Variants in CLUL1 observed in about 807,000 individuals in gnomAD.
The protein encoded by CLUL1 is clusterin like 1, also known as clusterin-like protein 1.
CLUL1 carries 43 observed loss-of-function variants against 49.4 expected under a neutral mutation model. The ratio of observed to expected loss-of-function variants is 0.87; its 90% confidence interval spans 0.68 to 1.12. CLUL1 has a LOEUF of 1.12. CLUL1 is among the 50% of genes most tolerant of loss of function. The pLI is 0.00. For missense variants in CLUL1, 486 were observed against 544.4 expected, an observed-to-expected ratio of 0.89 and a Z score of 1.07; for synonymous variants, 192 against 184.9, an observed-to-expected ratio of 1.04 and a Z score of -0.31.
intron 2 of CLUL1, among the ~76,000 whole-genome samples, chr18:610,682 G>A (rs1331093196): frequency 6.6e-6 from 1 of 152,100 alleles, no homozygotes; most frequent in Non-Finnish European, 1.5e-5. Flanking sequence ...CAGGTGTCAT[G>A]TGTCTGACAC....
At chr18:626,881 A>G (rs1223844159) in intron 5 of CLUL1, among the ~76,000 whole-genome samples, 2 of 228 alleles carry the variant, frequency 8.8e-3, no homozygotes, top group Middle Eastern at 0.5. Context: ...GAAAGAAAGA[A>G]AGAAAGAAAG....
intron 2 of CLUL1, among the ~76,000 whole-genome samples, chr18:615,360 GA>G (rs1184584760): frequency 6.6e-6 from 1 of 152,168 alleles, no homozygotes; most frequent in African/African-American, 2.4e-5. Context: ...ATGGATTAAA[GA>G]AAAAAATCTG....
At chr18:601,233 T>C (rs1276635304) in intron 1 of CLUL1, among the ~76,000 whole-genome samples, 1 of 152,212 alleles carries the variant, frequency 6.6e-6, no homozygotes, top group East Asian at 1.9e-4. Context: ...CACATGGATA[T>C]TTCTGTTTCC....
At chr18:648,820 C>T (rs1482690265) in intron 9 of CLUL1, among the ~76,000 whole-genome samples, 2 of 151,990 alleles carry the variant, frequency 1.3e-5, no homozygotes. Flanking sequence ...CCACACTTGG[C>T]TAATTTTTGT....
At chr18:626,907 GA>G (rs371928656) in intron 5 of CLUL1, among the ~76,000 whole-genome samples, 189 bp from the exon 6 acceptor site, 2 of 25,202 alleles carry the variant, frequency 7.9e-5, no homozygotes, top group Non-Finnish European at 1.4e-4. Flanking sequence ...AAGAAAGAAA[GA>G]AAGAAAGAAA....
chr18:599,541 T>G (rs1196737421), intron 1 of CLUL1, among the ~76,000 whole-genome samples: 1 of 152,184 alleles, frequency 6.6e-6, no homozygotes, highest in Non-Finnish European at 1.5e-5. Context: ...AAATAATTGA[T>G]TTTCAAATGA....
In CLUL1 at chr18:606,177, TC is replaced by T. The variant is rs144123607; in HGVS notation, c.-135-797del. ...TTAGCGCCTCTGGCTGGGAACGGCT[TC>T]CCCATGCTCCTAGGTCAGGGTCCTC... is the stretch of plus-strand genomic sequence containing the variant. On this transcript the variant is annotated intron_variant, in intron 1 of 9. Coordinates refer to ENST00000692774, the MANE Select transcript of CLUL1 (RefSeq NM_001393344.1). The surrounding 1 kb of genome is among the most constrained non-coding windows in gnomAD (Gnocchi z 4.1). Among the ~76,000 whole-genome samples the T allele has an allele frequency of 1.1e-3, 167 of 152,162 alleles. 1 individual carries two copies. Among genetic ancestry groups the T allele is most frequent in the Admixed American group, 4.8e-3 (73 of 15,278 alleles).
intron 1 of CLUL1, among the ~76,000 whole-genome samples, chr18:600,602 A>C (rs1431602518): frequency 2.0e-5 from 3 of 152,226 alleles, no homozygotes; most frequent in Non-Finnish European, 4.4e-5. Flanking sequence ...AGAGAGGCTT[A>C]TTATTTCTAG....
Position 618,191 on chromosome 18 carries a change from T to C in CLUL1, c.106+85T>C, listed in dbSNP as rs2073365720. 3.0e-6 allele frequency: 3 copies of C among 1,007,148 alleles called. No homozygotes were observed. The highest frequency in any genetic ancestry group is 1.6e-5 in the African/African-American group (1 of 63,738). The allele number at this position is 1,007,148 out of a possible 1,614,324, so 62.4% of individuals were successfully genotyped here. A position where few individuals can be genotyped will look rare whatever the true frequency, so the allele number is the denominator to read the frequency against. ...TTTATAGTGAGTCGCAGTTGAGAGA[T>C]AACCATATTCGCTGTTTTCACGGTG... On this transcript the variant is annotated intron_variant, in intron 3 of 9. Transcript: ENST00000692774. This position sits in a 1 kb window ranked among gnomAD's most constrained non-coding sequence, Gnocchi z 4.2.
intron 2 of CLUL1, among the ~76,000 whole-genome samples, chr18:613,964 G>C (rs758205042): frequency 1.1e-4 from 17 of 152,160 alleles, no homozygotes; most frequent in African/African-American, 4.8e-5. Flanking sequence ...GAGAATATGT[G>C]AATAATAATC....
At chr18:607,395 C>T (rs1019476998) in intron 2 of CLUL1, among the ~76,000 whole-genome samples, 28 of 152,164 alleles carry the variant, frequency 1.8e-4, no homozygotes, top group Middle Eastern at 3.2e-3. Context: ...TCCCAAAGTG[C>T]TGGGATTACA....
At chr18:615,594 G>T (rs1352020203) in intron 2 of CLUL1, among the ~76,000 whole-genome samples, 1 of 152,176 alleles carries the variant, frequency 6.6e-6, no homozygotes, top group Non-Finnish European at 1.5e-5. Context: ...CCAGGACTCT[G>T]CTCTGCTCTT....
rs2074146486 is a variant in CLUL1 at position 636,665 on chromosome 18, G to A, written c.994+3230G>A. On this transcript the variant is annotated intron_variant, in intron 7 of 9. Transcript: ENST00000692774. ...TTTTGTGCCAGAGTCTCGCTCTGTC[G>A]CCGAGGCTGGAGTGCAATGGCACGA... Among the ~76,000 whole-genome samples the A allele has an allele frequency of 8.7e-5, 11 of 126,982 alleles. No individual in the cohort carries two copies. In the South Asian group the frequency reaches 2.4e-3, roughly 28 times the overall value. 83.3% of individuals were successfully genotyped at this position (126,982 alleles called of 152,430 possible). A position where few individuals can be genotyped will look rare whatever the true frequency, so the allele number is the denominator to read the frequency against.
intron 1 of CLUL1, among the ~76,000 whole-genome samples, chr18:602,692 G>A (rs985362262): frequency 1.3e-5 from 2 of 152,142 alleles, no homozygotes; most frequent in Non-Finnish European, 2.9e-5. Flanking sequence ...AGTAGAATGG[G>A]GCAATAAATG....
At chr18:641,173 A>C in intron 7 of CLUL1, 154 bp from the exon 8 acceptor site, 1 of 617,338 alleles carries the variant, frequency 1.6e-6, no homozygotes, top group East Asian at 2.7e-5. Flanking sequence ...TGTAGACGAT[A>C]TTAATAATTA....
intron 1 of CLUL1, chr18:598,574 A>G: frequency 5.0e-6 from 2 of 398,632 alleles, no homozygotes; most frequent in East Asian, 7.1e-5. Context: ...TGGATAATTT[A>G]CAACACTGGT....
chr18:625,518 AACACACACACACACAC>A (rs3221054), intron 5 of CLUL1, among the ~76,000 whole-genome samples: 18 of 144,722 alleles, frequency 1.2e-4, no homozygotes, highest in African/African-American at 4.1e-4. Flanking sequence ...CCTTATGCAT[AACACACACACACACAC>A]ACACACACAC....
At chr18:629,238 T>C (rs913036270) in intron 6 of CLUL1, among the ~76,000 whole-genome samples, 5 of 152,200 alleles carry the variant, frequency 3.3e-5, no homozygotes, top group Non-Finnish European at 7.3e-5. Flanking sequence ...ATTCTGAGGT[T>C]CCAAATTCAT....
At chr18:620,256 T>C (rs1398718662) in intron 4 of CLUL1, among the ~76,000 whole-genome samples, 4 of 152,160 alleles carry the variant, frequency 2.6e-5, no homozygotes, top group Non-Finnish European at 5.9e-5. Flanking sequence ...TCACCATAGT[T>C]TTCCCTTGTC....
Sources: gnomAD v4.1 joint callset for allele counts (sites outside exome capture counted in the v4.1 genomes callset) on GRCh38, gnomAD v4.1.1 for gene constraint, Gnocchi (gnomAD v3.1) non-coding constraint, MANE v1.5 for transcripts, NCBI Gene and HGNC (gene_info 2026-07-23, HGNC 2026-07-21) for gene names.